Variants in CHCHD3 observed in about 807,000 individuals in gnomAD.
The protein encoded by CHCHD3 is coiled-coil-helix-coiled-coil-helix domain containing 3.
In CHCHD3, 20 loss-of-function variants were observed where a neutral mutation model predicts 38.2. The observed-to-expected ratio is 0.52, with a 90% confidence interval of 0.37 to 0.76. The LOEUF is 0.76. Among genes scored for constraint, CHCHD3 ranks in the 30% least tolerant of loss-of-function variants. The pLI, the probability that CHCHD3 is intolerant of heterozygous loss-of-function variation, is 0.00. For missense variants in CHCHD3, 245 were observed against 279.2 expected (o/e 0.88, Z 0.87); for synonymous variants, 82 against 100.0 (o/e 0.82, Z 1.07).
At chr7:133,066,897 A>C (rs1211971371) in intron 2 of CHCHD3, among the ~76,000 whole-genome samples, 1 of 152,334 alleles carries the variant, frequency 6.6e-6, no homozygotes, top group East Asian at 1.9e-4. Context: ...ATCACTAAAA[A>C]GCAGCTCCTT....
chr7:132,955,950 G>C (rs1340046865), intron 4 of CHCHD3, among the ~76,000 whole-genome samples: 1 of 152,184 alleles, frequency 6.6e-6, no homozygotes, highest in Admixed American at 6.5e-5. Context: ...GACTTAGCGG[G>C]ATTCTTGCTC....
chr7:133,017,849 T>TA (rs1485651972), intron 3 of CHCHD3, among the ~76,000 whole-genome samples: 2 of 152,174 alleles, frequency 1.3e-5, no homozygotes, highest in African/African-American at 2.4e-5. Flanking sequence ...CTGTTGGTTA[T>TA]AAAAAAGCAG....
chr7:133,076,736 TG>T (rs891656450), intron 1 of CHCHD3, among the ~76,000 whole-genome samples: 3 of 152,288 alleles, frequency 2.0e-5, no homozygotes, highest in Admixed American at 6.5e-5. Flanking sequence ...CTGGGTGAGT[TG>T]GACAAAGAGA....
chr7:133,015,275 G>A (rs61420034), intron 3 of CHCHD3, among the ~76,000 whole-genome samples: 242 of 151,952 alleles, frequency 1.6e-3, no homozygotes, highest in African/African-American at 5.5e-3. Flanking sequence ...CCCAGGAGGC[G>A]GAGGTTGCAG....
intron 4 of CHCHD3, chr7:132,972,931 GATTT>G (rs1261835032): frequency 2.0e-6 from 2 of 985,372 alleles, no homozygotes; most frequent in African/African-American, 3.5e-5. Context: ...CAATAGACAA[GATTT>G]ATTAGGTAAA....
intron 4 of CHCHD3, chr7:132,973,452 T>G: frequency 4.1e-6 from 4 of 985,534 alleles, no homozygotes; most frequent in Non-Finnish European, 4.8e-6. Context: ...TAATTTTCAG[T>G]TGAGTTACTC....
intron 3 of CHCHD3, among the ~76,000 whole-genome samples, chr7:132,991,208 A>G (rs1812276258): frequency 6.6e-6 from 1 of 152,036 alleles, no homozygotes; most frequent in Admixed American, 6.5e-5. Context: ...GTCTTTATAA[A>G]CTGTGCTTGT....
At chr7:133,034,590 G>C (rs184369781) in intron 2 of CHCHD3, 2 of 1,497,722 alleles carry the variant, frequency 1.3e-6, no homozygotes, top group South Asian at 2.2e-5. Context: ...AGGCAGCTAG[G>C]TGATGGCAAG....
intron 2 of CHCHD3, among the ~76,000 whole-genome samples, chr7:133,041,753 C>T (rs908045798): frequency 2.6e-5 from 4 of 152,130 alleles, no homozygotes; most frequent in Non-Finnish European, 4.4e-5. Flanking sequence ...CAGTCATATA[C>T]GCAAAACTTG....
At position 133,035,644 on chromosome 7, in the gene CHCHD3, C is replaced by T. The variant is rs1813652407; in HGVS notation, c.170-11017G>A. 6.2e-7 allele frequency: 1 copy of T among 1,610,918 alleles called. No homozygotes were observed. Among genetic ancestry groups the T allele is most frequent in the Non-Finnish European group, 8.5e-7 (1 of 1,178,378 alleles). ...AAGCTCACCCACTGCACCACCTGGG[C>T]TGCTGCCTCTGGAGTACTTCCCCGC... On this transcript the variant is annotated intron_variant, in intron 2 of 7. Coordinates refer to ENST00000262570, the MANE Select transcript of CHCHD3 (RefSeq NM_017812.4). The surrounding 1 kb of genome is among the most constrained non-coding windows in gnomAD (Gnocchi z 4.7).
chr7:132,962,144 A>T (rs1811335330), intron 4 of CHCHD3, among the ~76,000 whole-genome samples: 1 of 152,252 alleles, frequency 6.6e-6, no homozygotes, highest in Admixed American at 6.5e-5. Flanking sequence ...CAGAATAAGT[A>T]ATCAATAACA....
intron 5 of CHCHD3, among the ~76,000 whole-genome samples, chr7:132,875,150 T>G (rs947256030): frequency 1.3e-5 from 2 of 152,182 alleles, no homozygotes; most frequent in African/African-American, 2.4e-5. Flanking sequence ...TTCCATGTTT[T>G]GGGTATAATG....
Position 132,788,344 on chromosome 7 carries a change from G to GCA in CHCHD3, c.661-2685_661-2684insTG, listed in dbSNP as rs970324983. Among the ~76,000 whole-genome samples the GCA allele has an allele frequency of 1.3e-5, 2 of 152,096 alleles. No individual in the cohort carries two copies. Among genetic ancestry groups the GCA allele is most frequent in the African/African-American group, 4.8e-5 (2 of 41,412 alleles). ...CACTGCTTTCTTCAACACACTGATGGGAGCTTTGAGTTGTCATCTGCCTGG... is the reference window on the plus strand; with the variant it reads ...CACTGCTTTCTTCAACACACTGATGGCAGAGCTTTGAGTTGTCATCTGCCTGG... On this transcript the variant is annotated intron_variant, in intron 7 of 7. Transcript: ENST00000262570. The surrounding 1 kb of genome is among the most constrained non-coding windows in gnomAD (Gnocchi z 4.0).
At chr7:132,972,182 A>G (rs1811630085) in intron 4 of CHCHD3, among the ~76,000 whole-genome samples, 1 of 152,234 alleles carries the variant, frequency 6.6e-6, no homozygotes, top group South Asian at 2.1e-4. Context: ...CAAGTGTTCT[A>G]TAATATTCTT....
At chr7:133,015,163 G>A (rs541528912) in intron 3 of CHCHD3, among the ~76,000 whole-genome samples, 186 of 152,044 alleles carry the variant, frequency 1.2e-3, no homozygotes, top group African/African-American at 4.2e-3. Flanking sequence ...CCAACATGGC[G>A]AAACCCTGTC....
At chr7:132,883,477 G>A (rs913521105) in intron 5 of CHCHD3, among the ~76,000 whole-genome samples, 2 of 152,232 alleles carry the variant, frequency 1.3e-5, no homozygotes, top group Admixed American at 1.3e-4. Flanking sequence ...CTCTAAATCA[G>A]AGTTCTGCCC....
intron 4 of CHCHD3, among the ~76,000 whole-genome samples, chr7:132,947,790 T>TTAA (rs1810933764): frequency 6.6e-6 from 1 of 151,812 alleles, no homozygotes. Flanking sequence ...AATGTTAAAC[T>TTAA]CCAAATTTAA....
At chr7:132,999,841 G>C (rs976959069) in intron 3 of CHCHD3, among the ~76,000 whole-genome samples, 7 of 152,058 alleles carry the variant, frequency 4.6e-5, no homozygotes, top group African/African-American at 1.7e-4. Context: ...GACACTCAAT[G>C]ATCTATTATT....
chr7:133,000,102 A>G (rs2117389187), intron 3 of CHCHD3, among the ~76,000 whole-genome samples: 1 of 152,308 alleles, frequency 6.6e-6, no homozygotes, highest in Non-Finnish European at 1.5e-5. Flanking sequence ...CTGCTTAAAA[A>G]TTTACACTGC....
Sources: gnomAD v4.1 joint callset for allele counts (sites outside exome capture counted in the v4.1 genomes callset) on GRCh38, gnomAD v4.1.1 for gene constraint, Gnocchi (gnomAD v3.1) non-coding constraint, MANE v1.5 for transcripts, NCBI Gene and HGNC (gene_info 2026-07-23, HGNC 2026-07-21) for gene names.